FAM120A: variants seen among roughly 807,000 people sequenced by gnomAD.
FAM120A encodes family with sequence similarity 120 member A, also known as constitutive coactivator of PPAR-gamma-like protein 1.
In FAM120A, 15 loss-of-function variants were observed where a neutral mutation model predicts 109.7. The observed-to-expected ratio is 0.14, with a 90% CI of 0.09 to 0.21. FAM120A has a LOEUF of 0.21. FAM120A is among the 10% of genes least tolerant of loss of function. The probability of loss-of-function intolerance (pLI) is 1.00; values close to 1 mark genes in which losing one functional copy is unlikely to be tolerated. For missense variants in FAM120A, 899 were observed against 1,439.3 expected (o/e 0.62, Z 6.07); for synonymous variants, 493 against 572.8 (o/e 0.86, Z 1.99).
chr9:93,524,249 A>G (rs1860971422), intron 7 of FAM120A, among the ~76,000 whole-genome samples: 1 of 152,220 alleles, frequency 6.6e-6, no homozygotes, highest in South Asian at 2.1e-4. Context: ...CACAGAAGTC[A>G]GTTTTTACTT....
intron 1 of FAM120A, among the ~76,000 whole-genome samples, chr9:93,464,413 ACTT>A (rs1483443368): frequency 6.6e-6 from 1 of 152,184 alleles, no homozygotes; most frequent in Non-Finnish European, 1.5e-5. Context: ...CCCTTTTGCC[ACTT>A]CTTAAACTTG....
intron 7 of FAM120A, among the ~76,000 whole-genome samples, chr9:93,522,841 C>G (rs1174687874): frequency 6.6e-6 from 1 of 152,182 alleles, no homozygotes; most frequent in Non-Finnish European, 1.5e-5. Flanking sequence ...ATGACATGTA[C>G]TCCCTGGACC....
At chr9:93,481,159 C>A (rs1173597494) in intron 3 of FAM120A, among the ~76,000 whole-genome samples, 1 of 152,260 alleles carries the variant, frequency 6.6e-6, no homozygotes, top group Admixed American at 6.5e-5. Context: ...CAGAGGCGGC[C>A]TGCGGCTGTG....
At chr9:93,497,173 G>A (rs1474210408) in intron 3 of FAM120A, among the ~76,000 whole-genome samples, 3 of 152,270 alleles carry the variant, frequency 2.0e-5, no homozygotes, top group East Asian at 1.9e-4. Context: ...GGAATTAATC[G>A]CAAACAAGTC....
intron 14 of FAM120A, among the ~76,000 whole-genome samples, chr9:93,558,360 C>G (rs1862364178): frequency 1.3e-5 from 2 of 152,222 alleles, no homozygotes; most frequent in Non-Finnish European, 2.9e-5. Flanking sequence ...CTTCCTGAGC[C>G]CCATGCTAGT....
intron 3 of FAM120A, among the ~76,000 whole-genome samples, chr9:93,491,593 G>A (rs1008422278): frequency 6.6e-6 from 1 of 152,070 alleles, no homozygotes; most frequent in African/African-American, 2.4e-5. Context: ...GAAGTAAAGG[G>A]GTAGGTTGAA....
chr9:93,505,210 G>A (rs946279179), intron 5 of FAM120A, among the ~76,000 whole-genome samples: 7 of 151,800 alleles, frequency 4.6e-5, no homozygotes, highest in African/African-American at 1.5e-4. Context: ...ACAGGCACTC[G>A]CCACCACGCC....
intron 12 of FAM120A, among the ~76,000 whole-genome samples, chr9:93,553,773 C>G (rs1257025838): frequency 6.6e-6 from 1 of 152,132 alleles, no homozygotes; most frequent in East Asian, 1.9e-4. Context: ...CAAGGGAGTA[C>G]TATTTAGAGG....
Position 93,564,404 on chromosome 9 carries a change from C to G in FAM120A, c.3221C>G (p.Pro1074Arg). The change falls in exon 18 of 18, where the codon CCC (proline) becomes CGC (arginine). Residue 1074 changes from proline (P) to arginine (R), a missense_variant. Physicochemically the swap from Pro to Arg is moderately radical, Grantham distance 103. Around this residue, in one of 11 missense-constraint regions of FAM120A, gnomAD observed 170 missense variants for 205.0 expected, o/e 0.83. Coordinates refer to ENST00000277165, the MANE Select transcript of FAM120A (RefSeq NM_014612.5). ...GGGAGCACGGGTGACGCCAGGGCCCCCAGCCACTCTGAAAGTGCCTTGAAT... is the reference window on the plus strand; with the variant it reads ...GGGAGCACGGGTGACGCCAGGGCCCGCAGCCACTCTGAAAGTGCCTTGAAT... ...MNGSTGDARA[P>R]SHSESALNND... 6.2e-7 allele frequency: 1 copy of G among 1,614,218 alleles called. No individual in the cohort carries two copies. Among genetic ancestry groups the G allele is most frequent in the Non-Finnish European group, 8.5e-7 (1 of 1,180,044 alleles).
intron 17 of FAM120A, among the ~76,000 whole-genome samples, chr9:93,563,973 T>C (rs1483002655): frequency 6.6e-6 from 1 of 152,166 alleles, no homozygotes; most frequent in Non-Finnish European, 1.5e-5. Context: ...TAGACAGAGC[T>C]CCTGAAGGGG....
intron 5 of FAM120A, among the ~76,000 whole-genome samples, chr9:93,505,295 C>G (rs565937112): frequency 1.3e-5 from 2 of 151,952 alleles, no homozygotes; most frequent in Non-Finnish European, 2.9e-5. Flanking sequence ...CTCCTGACCT[C>G]GTGATCCGCC....
chr9:93,454,127 A>T (rs4607675), intron 1 of FAM120A, among the ~76,000 whole-genome samples: 77,186 of 151,942 alleles, frequency 0.51, 19,851 homozygotes, highest in East Asian at 0.62. Flanking sequence ...TGTCAGTGTT[A>T]GGAAACTAGA....
rs530778318 is a variant in FAM120A, at chr9:93,547,237, A to G, written c.2160-3340A>G. ...AGCAGCTTATGTTCTTGTAGGAGCA[A>G]TATGGCAGACACAAAGATGCAGACT... On this transcript the variant is annotated intron_variant, in intron 11 of 17. Coordinates refer to ENST00000277165, the MANE Select transcript of FAM120A (RefSeq NM_014612.5). Among the ~76,000 whole-genome samples the G allele has an allele frequency of 5.9e-5, 9 of 152,314 alleles. No individual in the cohort carries two copies. In the South Asian group the frequency reaches 1.7e-3, roughly 28 times the overall value.
chr9:93,464,200 AT>A (rs1857914518), intron 1 of FAM120A, among the ~76,000 whole-genome samples: 3 of 152,212 alleles, frequency 2.0e-5, no homozygotes, highest in Non-Finnish European at 2.9e-5. Context: ...ATAAACAATT[AT>A]ACTTGCCAAG....
At position 93,452,887 on chromosome 9, in the gene FAM120A, G is replaced by T; in HGVS notation, c.474+498G>T. On this transcript the variant is annotated intron_variant, in intron 1 of 17. Transcript: ENST00000277165. The surrounding 1 kb of genome is among the most constrained non-coding windows in gnomAD (Gnocchi z 7.0). ...TGCAAATATCAGTGCTGCTGCCGCC[G>T]CCCTTGCCAATGTTGTTAGCCCGGT... 1 of 1,445,758 alleles carries T rather than the reference G, an allele frequency of 6.9e-7. No homozygotes were observed. The highest frequency in any genetic ancestry group is 2.9e-5 in the Admixed American group (1 of 35,072). The allele number at this position is 1,445,758 out of a possible 1,614,324, so 89.6% of individuals were successfully genotyped here.
intron 3 of FAM120A, among the ~76,000 whole-genome samples, chr9:93,497,143 T>A (rs913361930): frequency 3.9e-5 from 6 of 152,214 alleles, no homozygotes; most frequent in African/African-American, 1.4e-4. Context: ...TCGCTTGTTA[T>A]GGGTGCAGGT....
intron 2 of FAM120A, 32 bp downstream of exon 2, chr9:93,471,419 G>A (rs754375503): frequency 1.9e-6 from 3 of 1,611,698 alleles, no homozygotes; most frequent in Admixed American, 3.3e-5. Flanking sequence ...TATTTTATAA[G>A]GGAGTGACCA....
chr9:93,453,524 A>G, intron 1 of FAM120A: 1 of 985,402 alleles, frequency 1.0e-6, no homozygotes, highest in Non-Finnish European at 1.2e-6. Context: ...AAAGTTTGTG[A>G]AATTCTGTCT....
At position 93,558,028 on chromosome 9, in the gene FAM120A, T is replaced by A; in HGVS notation, c.2668+18T>A. The A allele has an allele frequency of 6.4e-7, 1 of 1,569,546 alleles. No homozygotes were observed. Among genetic ancestry groups the A allele is most frequent in the East Asian group, 2.3e-5 (1 of 44,236 alleles). Reference sequence around the variant, plus strand: ...CTTTGCAGGTGAGTTGATTGGGACGTATTCCTGTGGGTAACAGATGCCAGA... The same window carrying A: ...CTTTGCAGGTGAGTTGATTGGGACGAATTCCTGTGGGTAACAGATGCCAGA... On this transcript the variant is annotated intron_variant, in intron 14 of 17. Transcript: ENST00000277165.
Sources: allele counts gnomAD v4.1 joint callset (sites outside exome capture counted in the v4.1 genomes callset), GRCh38; gene constraint gnomAD v4.1.1; regional missense constraint gnomAD v4.1.1; non-coding constraint Gnocchi (gnomAD v3.1); transcripts MANE v1.5; gene names NCBI Gene and HGNC (gene_info 2026-07-23, HGNC 2026-07-21).